HSPA12A: variants seen among roughly 807,000 people sequenced by gnomAD.
HSPA12A encodes heat shock protein family A (Hsp70) member 12A.
In HSPA12A, 28 loss-of-function variants were observed where a neutral mutation model predicts 69.2. The observed-to-expected ratio is 0.40, with a 90% CI of 0.30 to 0.55. HSPA12A has a LOEUF of 0.55. Ranked by LOEUF, HSPA12A falls within the 20% of genes least tolerant of loss-of-function variation. The pLI is 0.38. For synonymous variants in HSPA12A, 345 were observed against 370.5 expected, an observed-to-expected ratio of 0.93 and a Z score of 0.79; for missense variants, 686 against 900.7, an observed-to-expected ratio of 0.76 and a Z score of 3.05.
chr10:116,785,206 C>T (rs1844550697), intron 2 of HSPA12A, among the ~76,000 whole-genome samples: 1 of 152,126 alleles, frequency 6.6e-6, no homozygotes, highest in Non-Finnish European at 1.5e-5. Context: ...CCCTCCCACC[C>T]ACCGCCACCA....
At chr10:116,681,358 A>G in intron 8 of HSPA12A, 102 bp from the exon 9 acceptor site, 1 of 842,480 alleles carries the variant, frequency 1.2e-6, no homozygotes, top group East Asian at 2.5e-5. Flanking sequence ...TGCCCTCAAA[A>G]CTTCTCATTA....
At position 116,772,514 on chromosome 10, in the gene HSPA12A, C is replaced by T. The variant is rs150067865; in HGVS notation, c.91+62421G>A. Among the ~76,000 whole-genome samples, 7 of 152,234 alleles carry T rather than the reference C, an allele frequency of 4.6e-5. No homozygotes were observed. In the East Asian group the frequency reaches 1.4e-3, roughly 29 times the overall value. On this transcript the variant is annotated intron_variant, in intron 2 of 12. Coordinates refer to the HSPA12A transcript ENST00000635765. ...ATTTGTAACAGCCCTTTTGCAGATG[C>T]TGAAACTGAGACCCAGAGAAGTTAA...
At chr10:116,701,196 T>G (rs1341899796) in intron 3 of HSPA12A, 67 bp from the exon 4 acceptor site, 1 of 1,476,054 alleles carries the variant, frequency 6.8e-7, no homozygotes, top group African/African-American at 1.4e-5. Context: ...AGCACAGATT[T>G]GAACACCTAC....
At position 116,706,193 on chromosome 10, in the gene HSPA12A, CCT is replaced by C. The variant is rs1303191492; in HGVS notation, c.127-917_127-916del. Among the ~76,000 whole-genome samples, 12 of 98,914 alleles carry C rather than the reference CCT, an allele frequency of 1.2e-4. No individual in the cohort carries two copies. In the East Asian group the frequency reaches 2.7e-3, roughly 22 times the overall value. 64.9% of individuals were successfully genotyped at this position (98,914 alleles called of 152,430 possible). On this transcript the variant is annotated intron_variant, in intron 2 of 11. Transcript: ENST00000369209. ...CATAGGCGTGAGCCACCACGCCTGG[CCT>C]CTTTTTTTTTTTTTAAGCAGTTTAC...
chr10:116,690,219 T>C (rs1397332595), intron 6 of HSPA12A, among the ~76,000 whole-genome samples: 1 of 152,182 alleles, frequency 6.6e-6, no homozygotes, highest in Non-Finnish European at 1.5e-5. Context: ...GCAGAGCAAC[T>C]GTGCCTCCCA....
chr10:116,729,819 T>A (rs78448038), intron 1 of HSPA12A, among the ~76,000 whole-genome samples: 1 of 152,230 alleles, frequency 6.6e-6, no homozygotes, highest in Non-Finnish European at 1.5e-5. Flanking sequence ...TCTTACCTTA[T>A]GTAACTTAGA....
intron 2 of HSPA12A, among the ~76,000 whole-genome samples, chr10:116,778,070 C>G (rs1335684218): frequency 2.6e-5 from 4 of 152,122 alleles, no homozygotes; most frequent in African/African-American, 9.7e-5. Context: ...AACTGGCCCA[C>G]AAAATCCCTG....
intron 2 of HSPA12A, chr10:116,829,952 CACAT>C (rs34765837): frequency 0.34 from 52,250 of 151,788 alleles, 9,600 homozygotes; most frequent in East Asian, 0.47. Context: ...TACTGCCCGG[CACAT>C]TCCGGGAGGG....
At chr10:116,816,494 A>C (rs1254366377) in intron 2 of HSPA12A, among the ~76,000 whole-genome samples, 1 of 152,220 alleles carries the variant, frequency 6.6e-6, no homozygotes, top group Non-Finnish European at 1.5e-5. Flanking sequence ...CAAACTTCAC[A>C]GCACCCAAAT....
At chr10:116,820,511 A>C (rs925243830) in intron 2 of HSPA12A, among the ~76,000 whole-genome samples, 2 of 152,054 alleles carry the variant, frequency 1.3e-5, no homozygotes, top group African/African-American at 4.8e-5. Context: ...CCCTCATCAG[A>C]CGTGGCCAGT....
chr10:116,700,736 A>G (rs1850055201), intron 4 of HSPA12A, among the ~76,000 whole-genome samples: 1 of 152,176 alleles, frequency 6.6e-6, no homozygotes, highest in South Asian at 2.1e-4. Flanking sequence ...CCCTGCCCAC[A>G]TGCACATTGG....
chr10:116,740,590 A>T (rs986131546), intron 1 of HSPA12A, among the ~76,000 whole-genome samples: 13 of 151,670 alleles, frequency 8.6e-5, no homozygotes, highest in Admixed American at 8.5e-4. Flanking sequence ...GTGGCTCGGC[A>T]CACCAGGTAT....
chr10:116,813,996 A>T (rs1845249574), intron 2 of HSPA12A, among the ~76,000 whole-genome samples: 1 of 152,230 alleles, frequency 6.6e-6, no homozygotes, highest in Non-Finnish European at 1.5e-5. Flanking sequence ...ACAGACCCTC[A>T]GATAATCCAG....
intron 2 of HSPA12A, among the ~76,000 whole-genome samples, chr10:116,755,390 T>C (rs1024665978): frequency 7.2e-5 from 11 of 151,760 alleles, no homozygotes; most frequent in Non-Finnish European, 1.6e-4. Flanking sequence ...GATGAGCAGA[T>C]CACTTGAAGC....
chr10:116,841,508 A>G (rs1832119526), intron 1 of HSPA12A, among the ~76,000 whole-genome samples: 2 of 152,208 alleles, frequency 1.3e-5, no homozygotes, highest in Admixed American at 6.5e-5. Context: ...TCAGCATTCA[A>G]CCCAATTCAA....
Position 116,674,999 on chromosome 10 carries a change from T to A in HSPA12A, c.1810A>T (p.Ser604Cys), listed in dbSNP as rs2133351267. 1 of 1,614,108 alleles carries A rather than the reference T, an allele frequency of 6.2e-7. No homozygotes were observed. Among genetic ancestry groups the A allele is most frequent in the Non-Finnish European group, 8.5e-7 (1 of 1,180,010 alleles). Reference sequence around the variant, plus strand: ...AAGCTGACGTTGTCGTGCTCAGAGCTGTAGATGTTGATGACAATGACCAGC... The same window carrying A: ...AAGCTGACGTTGTCGTGCTCAGAGCAGTAGATGTTGATGACAATGACCAGC... ...SQLVIVINIYSSEHDNVSFIT... is the reference protein window; with the variant it reads ...SQLVIVINIYCSEHDNVSFIT... Residue 604 changes from serine to cysteine, a missense_variant, in exon 12 of 12, where the codon AGC (serine) becomes TGC (cysteine). By Grantham distance (112) the Ser-to-Cys change is moderately radical (BLOSUM62 -1). Coordinates refer to ENST00000369209, the MANE Select transcript of HSPA12A (RefSeq NM_025015.3).
chr10:116,804,329 C>A (rs535148759), intron 2 of HSPA12A, among the ~76,000 whole-genome samples: 1 of 152,146 alleles, frequency 6.6e-6, no homozygotes, highest in East Asian at 1.9e-4. Flanking sequence ...AGGCTGGGTC[C>A]GCCGTGAAGT....
At chr10:116,835,381 G>A (rs1845691540) in intron 1 of HSPA12A, 1 of 153,166 alleles carries the variant, frequency 6.5e-6, no homozygotes, top group Non-Finnish European at 1.5e-5. Context: ...CAAAACTGAG[G>A]AACGAGGCCC....
intron 1 of HSPA12A, chr10:116,849,373 G>C (rs75763619): frequency 4.6e-6 from 3 of 650,068 alleles, no homozygotes; most frequent in East Asian, 6.8e-5. Flanking sequence ...AATGCCGCAG[G>C]GAGAAAAGAC....
Sources: allele counts gnomAD v4.1 joint callset (sites outside exome capture counted in the v4.1 genomes callset), GRCh38; gene constraint gnomAD v4.1.1; transcripts MANE v1.5; gene names NCBI Gene and HGNC (gene_info 2026-07-23, HGNC 2026-07-21).